Variants in ETV6 observed in about 807,000 individuals in gnomAD.
ETV6 encodes ETS variant transcription factor 6.
A neutral mutation model predicts 51.1 loss-of-function variants in ETV6; 16 were observed. That is an observed-to-expected ratio of 0.31 (90% CI 0.21 to 0.48). ETV6 has a LOEUF of 0.48. ETV6 is among the 20% of genes least tolerant of loss of function. ETV6 has a pLI of 0.99. For synonymous variants in ETV6, 240 were observed against 224.1 expected, an observed-to-expected ratio of 1.07 and a Z score of -0.64; for missense variants, 458 against 594.8, an observed-to-expected ratio of 0.77 and a Z score of 2.39.
At chr12:11,887,551 C>A (rs1269328050) in intron 7 of ETV6, among the ~76,000 whole-genome samples, 2 of 151,962 alleles carry the variant, frequency 1.3e-5, no homozygotes, top group East Asian at 3.9e-4. Flanking sequence ...AGATCGAGAC[C>A]ATCCTGGCCA....
intron 1 of ETV6, chr12:11,751,459 C>T (rs1866026923): frequency 1.9e-6 from 1 of 518,540 alleles, no homozygotes; most frequent in African/African-American, 1.9e-5. Context: ...GTCATGTTTA[C>T]ATGTGGACTG....
intron 2 of ETV6, among the ~76,000 whole-genome samples, chr12:11,792,013 A>G (rs1482459773): frequency 2.0e-5 from 3 of 152,222 alleles, no homozygotes; most frequent in East Asian, 1.9e-4. Flanking sequence ...TCATTTAGAA[A>G]GACAGCAAGA....
intron 2 of ETV6, among the ~76,000 whole-genome samples, chr12:11,813,840 G>A (rs970437549): frequency 6.6e-6 from 1 of 152,196 alleles, no homozygotes; most frequent in Admixed American, 6.5e-5. Context: ...GGCCAGGGCC[G>A]TGGACATAGG....
At position 11,893,841 on chromosome 12, in the gene ETV6, T is replaced by TATATATATATATACAC. The variant is rs1491290450; in HGVS notation, c.*2796_*2797insTATATATATATACACA. On this transcript the variant is annotated 3_prime_UTR_variant, in exon 8 of 8. Transcript: ENST00000396373. ...ATATATATATATATATATATATATA[T>TATATATATATATACAC]ACACACACACACACATACACAAATA... 1.7e-5 allele frequency: 1 copy of TATATATATATATACAC among 57,312 alleles called. No homozygotes were observed. The highest frequency in any genetic ancestry group is 6.4e-5 in the African/African-American group (1 of 15,688). 3.6% of individuals were successfully genotyped at this position (57,312 alleles called of 1,614,324 possible). A position where few individuals can be genotyped will look rare whatever the true frequency, so the allele number is the denominator to read the frequency against.
intron 1 of ETV6, among the ~76,000 whole-genome samples, chr12:11,706,325 G>A (rs1270828305): frequency 2.6e-5 from 4 of 152,216 alleles, no homozygotes; most frequent in East Asian, 1.9e-4. Context: ...GATGCACAGA[G>A]GTTAAGTTGC....
chr12:11,791,314 G>A (rs1945585672), intron 2 of ETV6, among the ~76,000 whole-genome samples: 1 of 152,134 alleles, frequency 6.6e-6, no homozygotes, highest in African/African-American at 2.4e-5. Context: ...GAGGATTTGG[G>A]GGAACGAGAA....
chr12:11,756,463 A>G (rs940225395), intron 2 of ETV6, among the ~76,000 whole-genome samples: 10 of 152,246 alleles, frequency 6.6e-5, no homozygotes, highest in Admixed American at 6.5e-4. Context: ...AAGTACAATT[A>G]CAGTAGACAG....
chr12:11,877,783 C>G (rs1947013852), intron 5 of ETV6, among the ~76,000 whole-genome samples: 1 of 152,244 alleles, frequency 6.6e-6, no homozygotes, highest in Non-Finnish European at 1.5e-5. Context: ...TCCCTGAGCC[C>G]TTCTTTCCTT....
intron 4 of ETV6, among the ~76,000 whole-genome samples, chr12:11,859,197 A>C (rs1310543342): frequency 8.6e-6 from 1 of 116,222 alleles, no homozygotes; most frequent in Non-Finnish European, 1.6e-5. Context: ...GCTGGAGTGC[A>C]GTGGTGCGAT....
At position 11,853,525 on chromosome 12, in the gene ETV6, C is replaced by T; in HGVS notation, c.427C>T (p.Gln143Ter). ...FFHPGNSIHT[Q>*]PEVILHQNHE... ...CCACCCTGGAAACTCTATACACACA[C>T]AGCCGGAGGTCATACTGCATCAGAA... is the stretch of plus-strand genomic sequence containing the variant. The change falls in exon 4 of 8, where the codon CAG becomes TAG. Residue 143 changes from glutamine to a stop codon, truncating the protein, a stop_gained. Coordinates refer to ENST00000396373, the MANE Select transcript of ETV6 (RefSeq NM_001987.5). LOFTEE classifies it high-confidence loss of function. The T allele has an allele frequency of 6.2e-7, 1 of 1,614,244 alleles. No homozygotes were observed. The highest frequency in any genetic ancestry group is 8.5e-7 in the Non-Finnish European group (1 of 1,180,048).
chr12:11,706,489 G>A (rs1469375441), intron 1 of ETV6, among the ~76,000 whole-genome samples: 1 of 152,208 alleles, frequency 6.6e-6, no homozygotes, highest in Admixed American at 6.5e-5. Context: ...GCTTTTAGAG[G>A]CTGCTGTCTG....
At chr12:11,864,549 A>G (rs902742720) in intron 4 of ETV6, among the ~76,000 whole-genome samples, 2 of 152,228 alleles carry the variant, frequency 1.3e-5, no homozygotes, top group African/African-American at 4.8e-5. Context: ...TGAAAAGTGG[A>G]CCAGGGACAA....
At chr12:11,795,830 T>C (rs1477606897) in intron 2 of ETV6, among the ~76,000 whole-genome samples, 1 of 152,230 alleles carries the variant, frequency 6.6e-6, no homozygotes, top group Non-Finnish European at 1.5e-5. Context: ...GGGTTAAGAA[T>C]AGTGTCCACT....
At chr12:11,872,494 C>CTT (rs10528272) in intron 5 of ETV6, among the ~76,000 whole-genome samples, 4,079 of 142,342 alleles carry the variant, frequency 0.029, 142 homozygotes, top group Non-Finnish European at 0.048. Flanking sequence ...AATTATATTA[C>CTT]TTTTTTTTTT....
chr12:11,728,121 T>TC (rs1256383909), intron 1 of ETV6, among the ~76,000 whole-genome samples: 1 of 152,154 alleles, frequency 6.6e-6, no homozygotes, highest in East Asian at 1.9e-4. Context: ...CTCCCCGGCC[T>TC]CCCCTTCTTA....
At chr12:11,783,964 C>T (rs984456640) in intron 2 of ETV6, among the ~76,000 whole-genome samples, 2 of 152,092 alleles carry the variant, frequency 1.3e-5, no homozygotes, top group African/African-American at 4.8e-5. Flanking sequence ...CGCGTGGCAT[C>T]GCCTCCCAGT....
chr12:11,776,004 G>C (rs1488483567), intron 2 of ETV6, among the ~76,000 whole-genome samples: 3 of 152,186 alleles, frequency 2.0e-5, no homozygotes, highest in Non-Finnish European at 4.4e-5. Flanking sequence ...GTCTACCACA[G>C]TGCCAGGCAT....
At chr12:11,716,330 C>CAAA (rs3049068) in intron 1 of ETV6, among the ~76,000 whole-genome samples, 22 of 58,114 alleles carry the variant, frequency 3.8e-4, no homozygotes, top group African/African-American at 1.1e-3. Flanking sequence ...GACTCCTTCT[C>CAAA]AAAAAAAAAA....
At chr12:11,698,725 G>C (rs2724653) in intron 1 of ETV6, among the ~76,000 whole-genome samples, 63,813 of 152,074 alleles carry the variant, frequency 0.42, 15,918 homozygotes, top group Non-Finnish European at 0.56. Context: ...ATCCAAAAAG[G>C]CTGAATGAAA....
Sources: allele counts gnomAD v4.1 joint callset (sites outside exome capture counted in the v4.1 genomes callset), GRCh38; gene constraint gnomAD v4.1.1; transcripts MANE v1.5; gene names NCBI Gene and HGNC (gene_info 2026-07-23, HGNC 2026-07-21).